Variants in UNC80 observed in about 807,000 individuals in gnomAD.
UNC80 encodes unc-80 subunit of NALCN channel complex.
UNC80 carries 164 observed loss-of-function variants against 384.6 expected under a neutral mutation model. The ratio of observed to expected loss-of-function variants is 0.43; its 90% CI spans 0.38 to 0.49. UNC80 has a LOEUF of 0.49. Ranked by LOEUF, UNC80 falls within the 20% of genes least tolerant of loss-of-function variation. UNC80 has a pLI of 0.00. For missense variants in UNC80, 3,330 were observed against 4,143.0 expected, an observed-to-expected ratio of 0.80 and a Z score of 5.39; for synonymous variants, 1,486 against 1,527.8, an observed-to-expected ratio of 0.97 and a Z score of 0.64.
intron 39 of UNC80, among the ~76,000 whole-genome samples, chr2:209,934,895 T>C (rs1028255673): frequency 6.6e-6 from 1 of 152,172 alleles, no homozygotes; most frequent in Admixed American, 6.5e-5. Context: ...AAGTGATCAG[T>C]TTTTATTACA....
chr2:209,904,725 C>A, intron 28 of UNC80, 40 bp from the exon 29 acceptor site: 1 of 1,532,288 alleles, frequency 6.5e-7, no homozygotes. Context: ...TATCTGTACC[C>A]TGGTTGCCTG....
In UNC80 at chr2:209,821,464, T is replaced by C. The variant is rs557316128; in HGVS notation, c.2331+785T>C. On this transcript the variant is annotated intron_variant, in intron 13 of 64. Transcript: ENST00000673920. ...TTTTTCCTCAATGTAAAATTATTTC[T>C]TTTAAGTAACACATTTTTGGCAGCC... Among the ~76,000 whole-genome samples, 31 of 152,282 alleles carry C rather than the reference T, an allele frequency of 2.0e-4. No homozygotes were observed. The South Asian group carries it at 6.2e-3, about 30-fold the overall frequency.
chr2:209,973,326 GAAA>G, intron 56 of UNC80, 56 bp downstream of exon 56: 1 of 1,397,164 alleles, frequency 7.2e-7, no homozygotes, highest in South Asian at 1.3e-5. Context: ...ATATGTATGT[GAAA>G]ATATATGTGT....
Position 209,849,839 on chromosome 2 carries a change from G to GAATCAGACTGACTGAGTTAA in UNC80, c.3627+222_3627+241dup, listed in dbSNP as rs543671032. On this transcript the variant is annotated intron_variant, in intron 22 of 64. Transcript: ENST00000673920. ...ACTGTCTAAATATGTGAAGGCTCTG[G>GAATCAGACTGACTGAGTTAA]AATCAGACTGACTGAGTTAAAATCA... Among the ~76,000 whole-genome samples, 1,010 of 152,164 alleles carry GAATCAGACTGACTGAGTTAA rather than the reference G, an allele frequency of 6.6e-3. 7 individuals carry two copies. Among genetic ancestry groups the GAATCAGACTGACTGAGTTAA allele is most frequent in the Non-Finnish European group, 9.2e-3 (622 of 67,970 alleles).
intron 25 of UNC80, among the ~76,000 whole-genome samples, chr2:209,886,439 T>A (rs1463877735): frequency 1.3e-5 from 2 of 151,748 alleles, no homozygotes; most frequent in African/African-American, 2.4e-5. Flanking sequence ...ATTAGAAAAT[T>A]AAAAATAAAA....
intron 22 of UNC80, among the ~76,000 whole-genome samples, chr2:209,863,109 A>C (rs2083460625): frequency 6.6e-6 from 1 of 152,110 alleles, no homozygotes; most frequent in South Asian, 2.1e-4. Context: ...ATTTGGCTGG[A>C]TATGAAATTC....
chr2:209,801,701 T>TC (rs1476553010), intron 7 of UNC80, among the ~76,000 whole-genome samples: 23 of 150,496 alleles, frequency 1.5e-4, no homozygotes, highest in Non-Finnish European at 3.3e-4. Flanking sequence ...TTTTTTTTTT[T>TC]TTTTTGCTTT....
At chr2:209,930,105 A>T in intron 37 of UNC80, 134 bp downstream of exon 37, 2 of 442,572 alleles carry the variant, frequency 4.5e-6, no homozygotes, top group Non-Finnish European at 7.9e-6. Flanking sequence ...TACTTTTTAA[A>T]TAATGATAAT....
intron 7 of UNC80, among the ~76,000 whole-genome samples, chr2:209,802,646 T>G (rs2078636378): frequency 6.6e-6 from 1 of 152,192 alleles, no homozygotes; most frequent in African/African-American, 2.4e-5. Context: ...AATTTGTTTT[T>G]CTGTAGTTTC....
intron 31 of UNC80, 128 bp from the exon 32 acceptor site, chr2:209,917,649 C>T: frequency 1.8e-6 from 2 of 1,125,558 alleles, no homozygotes; most frequent in East Asian, 5.2e-5. Context: ...TTTGCCAGTG[C>T]TGGTAGCCTA....
At chr2:209,918,883 C>A (rs2124949550) in intron 33 of UNC80, among the ~76,000 whole-genome samples, 1 of 152,238 alleles carries the variant, frequency 6.6e-6, no homozygotes, top group South Asian at 2.1e-4. Flanking sequence ...AAAGCAGAAG[C>A]CACCTTTAAA....
At chr2:209,980,935 A>G (rs769372317) in intron 59 of UNC80, among the ~76,000 whole-genome samples, 7 of 152,190 alleles carry the variant, frequency 4.6e-5, no homozygotes, top group Non-Finnish European at 1.0e-4. Context: ...TTATATTTTT[A>G]AGACACATTT....
In UNC80 at chr2:209,839,201, C is replaced by T. The variant is rs779095151; in HGVS notation, c.3042-21C>T. 40 of 1,549,126 alleles carry T rather than the reference C, an allele frequency of 2.6e-5. No individual in the cohort carries two copies. The highest frequency in any genetic ancestry group is 3.5e-6 in the Non-Finnish European group (4 of 1,145,526). ...CTCAAGTGTTGTCAGAAGTTTAACC[C>T]TATCCTCTGCTTGCCTACAGCGATG... is the stretch of plus-strand genomic sequence containing the variant. On this transcript the variant is annotated intron_variant, in intron 18 of 64. Coordinates refer to ENST00000673920, the MANE Select transcript of UNC80 (RefSeq NM_001371986.1). The surrounding 1 kb of genome is among the most constrained non-coding windows in gnomAD (Gnocchi z 4.1).
At chr2:209,786,043 A>G (rs1479552065) in intron 4 of UNC80, 23 bp from the exon 5 acceptor site, 2 of 1,611,374 alleles carry the variant, frequency 1.2e-6, no homozygotes, top group African/African-American at 1.3e-5. Context: ...GTTATTGGAC[A>G]TATATCTTCT....
intron 58 of UNC80, 30 bp downstream of exon 58, chr2:209,977,108 GT>G (rs2093033673): frequency 1.4e-6 from 2 of 1,457,570 alleles, no homozygotes; most frequent in Admixed American, 4.1e-5. Flanking sequence ...TTGTGAATTT[GT>G]TTGACTAATG....
intron 14 of UNC80, among the ~76,000 whole-genome samples, chr2:209,828,157 A>C (rs1483767929): frequency 1.3e-5 from 2 of 152,184 alleles, no homozygotes; most frequent in African/African-American, 2.4e-5. Context: ...GGACCTGCCA[A>C]CTCAGGGTTT....
intron 6 of UNC80, 143 bp downstream of exon 6, chr2:209,789,748 C>T: frequency 1.7e-6 from 1 of 572,058 alleles, no homozygotes; most frequent in Non-Finnish European, 3.1e-6. Context: ...TTAACAGCTT[C>T]AGGTTTTTTA....
chr2:209,952,044 T>A (rs941355728), intron 47 of UNC80, among the ~76,000 whole-genome samples: 1 of 152,256 alleles, frequency 6.6e-6, no homozygotes, highest in African/African-American at 2.4e-5. Context: ...GAATTTCCAC[T>A]TTTTTAATAG....
At chr2:209,867,747 A>G (rs963635147) in intron 22 of UNC80, among the ~76,000 whole-genome samples, 3 of 152,154 alleles carry the variant, frequency 2.0e-5, no homozygotes, top group African/African-American at 7.2e-5. Context: ...AAATATTTCT[A>G]TCTAGTTTAT....
Sources: gnomAD v4.1 joint callset for allele counts (sites outside exome capture counted in the v4.1 genomes callset) on GRCh38, gnomAD v4.1.1 for gene constraint, Gnocchi (gnomAD v3.1) non-coding constraint, MANE v1.5 for transcripts, NCBI Gene and HGNC (gene_info 2026-07-23, HGNC 2026-07-21) for gene names.